PDE7A: variants seen among roughly 807,000 people sequenced by gnomAD.
The protein encoded by PDE7A is phosphodiesterase 7A.
PDE7A carries 39 observed loss-of-function variants against 64.3 expected under a neutral mutation model. That is an observed-to-expected ratio of 0.61 (90% CI 0.47 to 0.79). The LOEUF (loss-of-function observed/expected upper bound fraction) is 0.79, where lower values mean the gene tolerates loss of function less well. PDE7A is among the 30% of genes least tolerant of loss of function. PDE7A has a pLI of 0.00. For missense variants in PDE7A, 470 were observed against 582.8 expected (o/e 0.81, Z 1.99); for synonymous variants, 203 against 206.8 (o/e 0.98, Z 0.16).
At chr8:65,790,982 G>A (rs1563509204) in intron 1 of PDE7A, among the ~76,000 whole-genome samples, 1 of 152,122 alleles carries the variant, frequency 6.6e-6, no homozygotes, top group Non-Finnish European at 1.5e-5. Context: ...CTCTGGCCTG[G>A]GCTATACACT....
intron 1 of PDE7A, among the ~76,000 whole-genome samples, chr8:65,831,600 T>G (rs1227294568): frequency 6.6e-6 from 1 of 151,906 alleles, no homozygotes; most frequent in Non-Finnish European, 1.5e-5. Flanking sequence ...AAAATTACTT[T>G]ACAATAATCA....
chr8:65,788,731 T>A lies in PDE7A; in HGVS notation c.139-5888A>T. 3 of 511,052 alleles carry A rather than the reference T, an allele frequency of 5.9e-6. No homozygotes were observed. The East Asian group carries it at 8.9e-5, about 15-fold the overall frequency. 31.7% of individuals were successfully genotyped at this position (511,052 alleles called of 1,614,324 possible). A position where few individuals can be genotyped will look rare whatever the true frequency, so the allele number is the denominator to read the frequency against. On this transcript the variant is annotated intron_variant, in intron 1 of 12. Coordinates refer to ENST00000401827, the MANE Select transcript of PDE7A (RefSeq NM_001242318.3). ...GAACAAAAACTACAAATAGTAAATT[T>A]AAGCCCTTTGGTCGACAGATGAAAC...
intron 3 of PDE7A, among the ~76,000 whole-genome samples, chr8:65,763,771 T>A (rs1305051698): frequency 6.6e-6 from 1 of 152,240 alleles, no homozygotes; most frequent in Non-Finnish European, 1.5e-5. Context: ...AAAGTCTTAA[T>A]GCAGTTCCTT....
chr8:65,814,953 CA>C (rs1248503813), intron 1 of PDE7A, among the ~76,000 whole-genome samples: 1 of 151,942 alleles, frequency 6.6e-6, no homozygotes, highest in Non-Finnish European at 1.5e-5. Context: ...TGGTGGTGGG[CA>C]CCTGTAATCC....
intron 1 of PDE7A, among the ~76,000 whole-genome samples, chr8:65,822,872 T>C (rs893633206): frequency 6.6e-6 from 1 of 152,198 alleles, no homozygotes; most frequent in Non-Finnish European, 1.5e-5. Context: ...TAATGCATAG[T>C]AATTTAACAG....
intron 4 of PDE7A, 24 bp from the exon 5 acceptor site, chr8:65,745,494 T>C (rs1285184230): frequency 3.2e-5 from 42 of 1,312,396 alleles, no homozygotes; most frequent in Non-Finnish European, 4.3e-5. Flanking sequence ...CAAACATTTC[T>C]ACTGTAATTT....
chr8:65,737,719 A>G (rs372465462), intron 6 of PDE7A, among the ~76,000 whole-genome samples: 1 of 152,056 alleles, frequency 6.6e-6, no homozygotes, highest in African/African-American at 2.4e-5. Flanking sequence ...GGGTTTCACC[A>G]TGTTGGCCAG....
chr8:65,767,051 C>T (rs1468192447), intron 3 of PDE7A, among the ~76,000 whole-genome samples: 1 of 152,134 alleles, frequency 6.6e-6, no homozygotes, highest in African/African-American at 2.4e-5. Flanking sequence ...TGGACCACTA[C>T]ATCCAACTGA....
At chr8:65,755,569 T>C (rs1877641) in intron 3 of PDE7A, among the ~76,000 whole-genome samples, 17,184 of 152,208 alleles carry the variant, frequency 0.11, 1,864 homozygotes, top group East Asian at 0.5. Flanking sequence ...ACAAGTTACA[T>C]CTTTATATGT....
At chr8:65,745,020 T>C (rs1807608486) in intron 5 of PDE7A, among the ~76,000 whole-genome samples, 2 of 152,090 alleles carry the variant, frequency 1.3e-5, no homozygotes, top group South Asian at 2.1e-4. Flanking sequence ...TGGGAGACAA[T>C]TGAATCATGG....
chr8:65,763,070 T>C (rs1808593228), intron 3 of PDE7A, among the ~76,000 whole-genome samples: 1 of 151,136 alleles, frequency 6.6e-6, no homozygotes, highest in African/African-American at 2.4e-5. Flanking sequence ...AACTTCAGTA[T>C]GAACCAAAGA....
chr8:65,756,453 C>G (rs540776294), intron 3 of PDE7A, among the ~76,000 whole-genome samples: 1 of 152,150 alleles, frequency 6.6e-6, no homozygotes, highest in African/African-American at 2.4e-5. Flanking sequence ...TCTCTTTCTA[C>G]TCCTCAGAAT....
intron 1 of PDE7A, among the ~76,000 whole-genome samples, chr8:65,799,264 C>T (rs1282794417): frequency 6.6e-6 from 1 of 151,916 alleles, no homozygotes; most frequent in Non-Finnish European, 1.5e-5. Context: ...CAAAATCCAC[C>T]CCACCCCCAA....
At chr8:65,782,731 A>T in intron 2 of PDE7A, 52 bp downstream of exon 2, 1 of 975,394 alleles carries the variant, frequency 1.0e-6, no homozygotes, top group Non-Finnish European at 1.6e-6. Flanking sequence ...CTCAAATAAC[A>T]ACAGGTAATA....
intron 1 of PDE7A, among the ~76,000 whole-genome samples, chr8:65,786,155 TAC>T (rs1266189415): frequency 6.6e-6 from 1 of 152,166 alleles, no homozygotes; most frequent in African/African-American, 2.4e-5. Context: ...AGATACAAAT[TAC>T]ATAGGTCTGT....
intron 1 of PDE7A, among the ~76,000 whole-genome samples, chr8:65,792,264 CTATAAGAAGAAAG>C (rs1227004545): frequency 5.3e-5 from 8 of 152,256 alleles, no homozygotes; most frequent in African/African-American, 1.9e-4. Flanking sequence ...GAATTTGATA[CTATAAGAAGAAAG>C]TATAAAACTT....
At position 65,719,118 on chromosome 8, in the gene PDE7A, T is replaced by G. The variant is rs1806268543; in HGVS notation, c.*172A>C. The G allele has an allele frequency of 1.7e-6, 1 of 604,696 alleles. No homozygotes were observed. Among genetic ancestry groups the G allele is most frequent in the South Asian group, 2.0e-5 (1 of 49,646 alleles). The allele number at this position is 604,696 out of a possible 1,614,324, so 37.5% of individuals were successfully genotyped here. On this transcript the variant is annotated 3_prime_UTR_variant, in exon 13 of 13. Coordinates refer to ENST00000401827, the MANE Select transcript of PDE7A (RefSeq NM_001242318.3). The stretch of plus-strand genomic sequence containing the variant: ...TTGCTGTATGTTCGGGTCTTGCAAT[T>G]AACAAGTGGGTTCAAATGATCCAAC...
At chr8:65,754,000 C>G (rs1459342975) in intron 3 of PDE7A, among the ~76,000 whole-genome samples, 1 of 151,970 alleles carries the variant, frequency 6.6e-6, no homozygotes, top group African/African-American at 2.4e-5. Flanking sequence ...TAGATTAGTT[C>G]TGTCCCTCTA....
At chr8:65,766,786 G>A (rs1422593653) in intron 3 of PDE7A, among the ~76,000 whole-genome samples, 2 of 152,186 alleles carry the variant, frequency 1.3e-5, no homozygotes, top group Non-Finnish European at 2.9e-5. Flanking sequence ...AACGTTAGCT[G>A]AATGAAAGGG....
Sources: allele counts gnomAD v4.1 joint callset (sites outside exome capture counted in the v4.1 genomes callset), GRCh38; gene constraint gnomAD v4.1.1; transcripts MANE v1.5; gene names NCBI Gene and HGNC (gene_info 2026-07-23, HGNC 2026-07-21).